NUBP2: variants seen among roughly 807,000 people sequenced by gnomAD.
NUBP2 encodes the protein cytosolic Fe-S cluster assembly factor NUBP2.
Under a neutral mutation model 24.9 loss-of-function variants are expected in NUBP2, and 23 were observed. That is an observed-to-expected ratio of 0.92 (90% CI 0.66 to 1.31). NUBP2 has a LOEUF of 1.31. Among genes scored for constraint, NUBP2 ranks in the 50% most tolerant of loss-of-function variants. The pLI, the probability that NUBP2 is intolerant of heterozygous loss-of-function variation, is 0.00. For missense variants in NUBP2, 403 were observed against 386.5 expected (o/e 1.04, Z -0.36); for synonymous variants, 186 against 170.9 (o/e 1.09, Z -0.69).
chr16:1,788,285 C>G, intron 6 of NUBP2, 78 bp downstream of exon 6: 1 of 1,338,140 alleles, frequency 7.5e-7, no homozygotes, highest in Non-Finnish European at 9.9e-7. Context: ...CTCCATGCCC[C>G]CAGTGCCCAA....
At chr16:1,785,900 G>T in intron 1 of NUBP2, 1 of 1,286,390 alleles carries the variant, frequency 7.8e-7, no homozygotes, top group Non-Finnish European at 1.0e-6. Flanking sequence ...CGGTGGCGCC[G>T]GGGTGAGAAT....
rs775787933 is a variant in NUBP2, at chr16:1,787,930, C to T, written c.490-11C>T. Reference sequence around the variant, plus strand: ...GCCTGGCTGACCGTGGCCTCGGCTCCTGCCCCGCAGGCGGTGTCCGTGGGG... The same window carrying T: ...GCCTGGCTGACCGTGGCCTCGGCTCTTGCCCCGCAGGCGGTGTCCGTGGGG... On this transcript the variant is annotated splice_polypyrimidine_tract_variant and intron_variant, in intron 4 of 6. Transcript: ENST00000262302. 6 of 1,603,946 alleles carry T rather than the reference C, an allele frequency of 3.7e-6. No homozygotes were observed. The South Asian group carries it at 6.6e-5, about 18-fold the overall frequency.
At position 1,788,734 on chromosome 16, in the gene NUBP2, G is replaced by T. The variant is rs373382419; in HGVS notation, c.*20G>T. ...CCCTGACTAAGGCCACCTTGCAGCC[G>T]CTTTCCAGGGCCACCAAGGGCTCTG... On this transcript the variant is annotated 3_prime_UTR_variant, in exon 7 of 7. Transcript: ENST00000262302. 2 of 1,598,932 alleles carry T rather than the reference G, an allele frequency of 1.3e-6. No individual in the cohort carries two copies. Among genetic ancestry groups the T allele is most frequent in the Non-Finnish European group, 1.7e-6 (2 of 1,171,918 alleles).
intron 3 of NUBP2, 158 bp from the exon 4 acceptor site, chr16:1,787,519 C>T (rs769076019): frequency 1.5e-4 from 138 of 950,970 alleles, no homozygotes; most frequent in South Asian, 1.3e-3. Flanking sequence ...ACTCCTGCAG[C>T]GGGCCAGGGC....
At chr16:1,788,328 C>T (rs1015768806) in intron 6 of NUBP2, 121 bp downstream of exon 6, 3 of 1,140,858 alleles carry the variant, frequency 2.6e-6, no homozygotes, top group African/African-American at 1.6e-5. Context: ...GTTTCCTCCT[C>T]TCTTCTCGGG....
At chr16:1,783,264 G>A in intron 1 of NUBP2, 9 of 1,157,624 alleles carry the variant, frequency 7.8e-6, no homozygotes, top group Non-Finnish European at 9.6e-6. Flanking sequence ...GGCCTGAGTC[G>A]TGGAGTTGGG....
At chr16:1,785,734 G>C (rs556225513) in intron 1 of NUBP2, 2 of 1,289,102 alleles carry the variant, frequency 1.6e-6, no homozygotes, top group East Asian at 5.6e-5. Flanking sequence ...CAGGTTCTCC[G>C]GGAGGCTTTG....
intron 3 of NUBP2, chr16:1,787,409 G>A (rs1005427173): frequency 6.9e-5 from 38 of 552,200 alleles, no homozygotes; most frequent in Non-Finnish European, 1.0e-4. Flanking sequence ...TCCTGGCTCC[G>A]TGTTCTGATT....
chr16:1,786,117 C>T (rs1023482916), intron 1 of NUBP2: 1 of 545,134 alleles, frequency 1.8e-6, no homozygotes, highest in East Asian at 7.7e-5. Flanking sequence ...TCTGCTGCCT[C>T]TGCCGAGCCC....
rs1378549040 is a variant in NUBP2, at chr16:1,788,239, G to A, written c.670+32G>A. ...GTCCCAAGCTGGTGCTGGGGTCGCGGCCTCCCATTCCATCTCTGCCCTGGG... is the reference window on the plus strand; with the variant it reads ...GTCCCAAGCTGGTGCTGGGGTCGCGACCTCCCATTCCATCTCTGCCCTGGG... On this transcript the variant is annotated intron_variant, in intron 6 of 6. Coordinates refer to ENST00000262302, the MANE Select transcript of NUBP2 (RefSeq NM_012225.4). 1.2e-5 allele frequency: 18 copies of A among 1,449,072 alleles called. No homozygotes were observed. The Admixed American group carries it at 4.9e-4, about 39-fold the overall frequency. 89.8% of individuals were successfully genotyped at this position (1,449,072 alleles called of 1,614,324 possible).
At chr16:1,785,693 C>T in intron 1 of NUBP2, 1 of 1,289,016 alleles carries the variant, frequency 7.8e-7, no homozygotes, top group South Asian at 1.2e-5. Flanking sequence ...CCTCAGGCAG[C>T]CTCTGTAGGT....
chr16:1,786,174 T>G, intron 1 of NUBP2: 1 of 343,758 alleles, frequency 2.9e-6, no homozygotes, highest in Non-Finnish European at 5.4e-6. Flanking sequence ...CCGTTAGAAA[T>G]AGCAGGGGGC....
intron 3 of NUBP2, chr16:1,787,309 GGAGT>G: frequency 2.4e-6 from 1 of 411,642 alleles, no homozygotes; most frequent in Non-Finnish European, 4.4e-6. Flanking sequence ...GAGGCTGGTG[GGAGT>G]GAGGCGCAGG....
Position 1,786,759 on chromosome 16 carries a change from G to A in NUBP2, c.138G>A (p.Val46=), listed in dbSNP as rs1353231762. The change falls in exon 3 of 7, where the codon GTG becomes GTA. Residue 46 remains valine, a splice_region_variant and synonymous_variant. Transcript: ENST00000262302. ...ALALRHAGKK[V]GILDVDLCGP... is the part of the protein sequence containing the mutation. Reference sequence around the variant, plus strand: ...CTAGGCTGTGCCGCTCCTTGCAGGTGGGAATCCTGGATGTGGACCTGTGTG... The same window carrying A: ...CTAGGCTGTGCCGCTCCTTGCAGGTAGGAATCCTGGATGTGGACCTGTGTG... 1.2e-6 allele frequency: 2 copies of A among 1,611,136 alleles called. No individual in the cohort carries two copies. Among genetic ancestry groups the A allele is most frequent in the Non-Finnish European group, 1.7e-6 (2 of 1,178,976 alleles).
chr16:1,788,803 G>GC lies in NUBP2; in HGVS notation c.*92dup. 6.9e-7 allele frequency: 1 copy of GC among 1,456,084 alleles called. No homozygotes were observed. Among genetic ancestry groups the GC allele is most frequent in the Non-Finnish European group, 9.1e-7 (1 of 1,098,818 alleles). The allele number at this position is 1,456,084 out of a possible 1,614,324, so 90.2% of individuals were successfully genotyped here. ...ACAGAGGCCTGGGCTCGGTTCCCGG[G>GC]CCCTGCAGGGGCAGGCCCAGGCAGC... On this transcript the variant is annotated 3_prime_UTR_variant, in exon 7 of 7. Transcript: ENST00000262302.
Position 1,786,836 on chromosome 16 carries a change from G to A in NUBP2, c.215G>A (p.Cys72Tyr). 1 of 1,598,984 alleles carries A rather than the reference G, an allele frequency of 6.3e-7. No individual in the cohort carries two copies. The highest frequency in any genetic ancestry group is 8.5e-7 in the Non-Finnish European group (1 of 1,169,750). ...LGAQGRAVHQ[C>Y]DRGWAPVFLD... ...GCGCAGGGCAGGGCTGTGCACCAGT[G>A]CGACCGCGGCTGGGCACCCGTCTTC... is the stretch of plus-strand genomic sequence containing the variant. Residue 72 changes from cysteine to tyrosine, a missense_variant, in exon 3 of 7, where the codon TGC (cysteine) becomes TAC (tyrosine). By Grantham distance (194) the Cys-to-Tyr change is radical (BLOSUM62 -2). Coordinates refer to ENST00000262302, the MANE Select transcript of NUBP2 (RefSeq NM_012225.4).
At position 1,787,616 on chromosome 16, in the gene NUBP2, C is replaced by T. The variant is rs60850633; in HGVS notation, c.335-61C>T. The stretch of plus-strand genomic sequence containing the variant: ...GCCTGACCTGGCTGGTTCTTAGTGG[C>T]GCAGGGCCACGTGTGCAGACCTGCC... On this transcript the variant is annotated intron_variant, in intron 3 of 6. Coordinates refer to ENST00000262302, the MANE Select transcript of NUBP2 (RefSeq NM_012225.4). 19,096 of 1,581,098 alleles carry T rather than the reference C, an allele frequency of 0.012. 1,863 individuals are homozygous for T. The African/African-American group carries it at 0.22, about 18-fold the overall frequency.
intron 1 of NUBP2, chr16:1,786,134 A>G: frequency 2.4e-6 from 1 of 410,688 alleles, no homozygotes; most frequent in East Asian, 8.3e-5. Context: ...GCCCAGGTGC[A>G]CTGGCTGGGG....
At position 1,787,927 on chromosome 16, in the gene NUBP2, C is replaced by G. The variant is rs770295657; in HGVS notation, c.490-14C>G. On this transcript the variant is annotated splice_polypyrimidine_tract_variant and intron_variant, in intron 4 of 6. Transcript: ENST00000262302. ...TGCGCCTGGCTGACCGTGGCCTCGG[C>G]TCCTGCCCCGCAGGCGGTGTCCGTG... The G allele has an allele frequency of 6.2e-7, 1 of 1,603,706 alleles. No homozygotes were observed. Among genetic ancestry groups the G allele is most frequent in the Non-Finnish European group, 8.5e-7 (1 of 1,175,756 alleles).
Sources: gnomAD v4.1 joint callset for allele counts on GRCh38, gnomAD v4.1.1 for gene constraint, MANE v1.5 for transcripts, NCBI Gene and HGNC (gene_info 2026-07-23, HGNC 2026-07-21) for gene names.